The following ONECUT3 variants were observed in gnomAD, a reference collection of about 807,000 sequenced individuals.
ONECUT3 encodes one cut domain family member 3.
Under a neutral mutation model 16.8 loss-of-function variants are expected in ONECUT3, and 11 were observed. The ratio of observed to expected loss-of-function variants is 0.66; its 90% CI spans 0.41 to 1.09. The LOEUF is 1.09. Among genes scored for constraint, ONECUT3 ranks in the 50% least tolerant of loss-of-function variants. The probability of loss-of-function intolerance (pLI) is 0.00; values close to 1 mark genes in which losing one functional copy is unlikely to be tolerated. For missense variants in ONECUT3, 637 were observed against 629.9 expected, an observed-to-expected ratio of 1.01 and a Z score of -0.12; for synonymous variants, 344 against 310.7, an observed-to-expected ratio of 1.11 and a Z score of -1.13.
rs1005230990 is a variant in ONECUT3, at chr19:1,755,239, C to G, written c.1192+385C>G. On this transcript the variant is annotated intron_variant, in intron 1 of 1. Coordinates refer to ENST00000382349, the MANE Select transcript of ONECUT3 (RefSeq NM_001080488.2). This position sits in a 1 kb window ranked among gnomAD's most constrained non-coding sequence, Gnocchi z 7.5. Reference sequence around the variant, plus strand: ...CGCCTGTTGGGGGGAGCTGTGTCCCCGAACGAGCTGCTGTTGTCGGCTAAG... The same window carrying G: ...CGCCTGTTGGGGGGAGCTGTGTCCCGGAACGAGCTGCTGTTGTCGGCTAAG... 8.6e-5 allele frequency among the ~76,000 whole-genome samples: 13 copies of G among 151,700 alleles called. No homozygotes were observed. Among genetic ancestry groups the G allele is most frequent in the Non-Finnish European group, 8.8e-5 (6 of 67,900 alleles).
chr19:1,767,417 C>A (rs2068002344), intron 1 of ONECUT3, among the ~76,000 whole-genome samples: 1 of 152,162 alleles, frequency 6.6e-6, no homozygotes, highest in African/African-American at 2.4e-5. Context: ...CTCTTGGGCC[C>A]CGGGGTGGTT....
Position 1,754,547 on chromosome 19 carries a change from G to T in ONECUT3, c.885G>T (p.Ala295=). The change falls in exon 1 of 2, where the codon GCG becomes GCT. Residue 295 remains alanine (A), a synonymous_variant. Coordinates refer to ENST00000382349, the MANE Select transcript of ONECUT3 (RefSeq NM_001080488.2). This position sits in a 1 kb window ranked among gnomAD's most constrained non-coding sequence, Gnocchi z 7.4. ...TGGGCGGGCTGGCGGCGGCCGGGGC[G>T]CACGGGCCGCACGGGGGAGGCGGCG... ...APLGGLAAAG[A]HGPHGGGGGP... is the part of the protein sequence containing the mutation. 8 of 984,926 alleles carry T rather than the reference G, an allele frequency of 8.1e-6. No individual in the cohort carries two copies. Among genetic ancestry groups the T allele is most frequent in the Non-Finnish European group, 9.6e-6 (8 of 831,060 alleles). 61.0% of individuals were successfully genotyped at this position (984,926 alleles called of 1,614,324 possible). A position where few individuals can be genotyped will look rare whatever the true frequency, so the allele number is the denominator to read the frequency against.
chr19:1,754,102 C>A lies in ONECUT3; in HGVS notation c.440C>A (p.Pro147Gln). Residue 147 changes from proline (P) to glutamine (Q), a missense_variant, in exon 1 of 2, where the codon CCG becomes CAG. Transcript: ENST00000382349. This position sits in a 1 kb window ranked among gnomAD's most constrained non-coding sequence, Gnocchi z 7.4. Reference protein sequence around the residue: ...HGGHPHAHPHPAAAPPPPPPP... With the variant: ...HGGHPHAHPHQAAAPPPPPPP... ...GGCCATCCCCACGCGCACCCGCACC[C>A]GGCGGCCGCGCCGCCCCCGCCACCC... The A allele has an allele frequency of 9.8e-7, 1 of 1,017,654 alleles. No homozygotes were observed. Among genetic ancestry groups the A allele is most frequent in the South Asian group, 4.2e-5 (1 of 23,588 alleles). The allele number at this position is 1,017,654 out of a possible 1,614,324, so 63.0% of individuals were successfully genotyped here. A position where few individuals can be genotyped will look rare whatever the true frequency, so the allele number is the denominator to read the frequency against.
chr19:1,779,293 A>C lies in ONECUT3; in HGVS notation c.*3848A>C, dbSNP rs2068137043. Reference sequence around the variant, plus strand: ...ATTGAATGTCAGGGCTGGAGACCAGAGGGAAAGTTAGAGGGAGCGTGATCG... The same window carrying C: ...ATTGAATGTCAGGGCTGGAGACCAGCGGGAAAGTTAGAGGGAGCGTGATCG... On this transcript the variant is annotated 3_prime_UTR_variant, in exon 2 of 2. Transcript: ENST00000382349. The C allele has an allele frequency of 1.3e-5, 2 of 152,164 alleles. 1 individual carries two copies. The highest frequency in any genetic ancestry group is 4.1e-4 in the South Asian group (2 of 4,824). The allele number at this position is 152,164 out of a possible 1,614,324, so 9.4% of individuals were successfully genotyped here.
At chr19:1,763,741 T>TG (rs1555799423) in intron 1 of ONECUT3, among the ~76,000 whole-genome samples, 10 of 136,734 alleles carry the variant, frequency 7.3e-5, no homozygotes, top group African/African-American at 1.4e-4. Flanking sequence ...TGTTTTTTTT[T>TG]TTTTTTTAAC....
rs1215060617 is a variant in ONECUT3, at chr19:1,758,272, G to A, written c.1192+3418G>A. ...AAGCCCAGAAAGGAACAGAGGTGAA[G>A]GAGAGACGAAAAGAGAGGCAGAGAG... On this transcript the variant is annotated intron_variant, in intron 1 of 1. Transcript: ENST00000382349. The surrounding 1 kb of genome is among the most constrained non-coding windows in gnomAD (Gnocchi z 5.9). Among the ~76,000 whole-genome samples, 1 of 147,462 alleles carries A rather than the reference G, an allele frequency of 6.8e-6. No individual in the cohort carries two copies. The highest frequency in any genetic ancestry group is 2.5e-5 in the African/African-American group (1 of 39,682).
intron 1 of ONECUT3, 142 bp from the exon 2 acceptor site, chr19:1,775,011 T>C: frequency 1.7e-6 from 1 of 578,974 alleles, no homozygotes; most frequent in Non-Finnish European, 3.0e-6. Flanking sequence ...CCCTGGGACC[T>C]TATGTGCATT....
At chr19:1,775,129 C>CGCCCGCCCGCCCGCCG (rs1266550383) in intron 1 of ONECUT3, 24 bp from the exon 2 acceptor site, 7 of 1,211,606 alleles carry the variant, frequency 5.8e-6, no homozygotes, top group Non-Finnish European at 7.9e-6. Flanking sequence ...CCCGCTCGCC[C>CGCCCGCCCGCCCGCCG]GCCCGCCCGC....
chr19:1,767,754 C>G (rs2068006393), intron 1 of ONECUT3, among the ~76,000 whole-genome samples: 1 of 152,232 alleles, frequency 6.6e-6, no homozygotes, highest in African/African-American at 2.4e-5. Context: ...ATGCTGGGGG[C>G]GGCGGCGCAG....
intron 1 of ONECUT3, among the ~76,000 whole-genome samples, chr19:1,757,328 T>C (rs908650241): frequency 5.3e-5 from 8 of 152,232 alleles, no homozygotes; most frequent in Non-Finnish European, 1.2e-4. Context: ...GCTCCGTTTG[T>C]GCCTCGCCTT....
chr19:1,764,798 C>T lies in ONECUT3; in HGVS notation c.1192+9944C>T, dbSNP rs1395947725. 2.1e-5 allele frequency among the ~76,000 whole-genome samples: 2 copies of T among 96,326 alleles called. No homozygotes were observed. Among genetic ancestry groups the T allele is most frequent in the Non-Finnish European group, 4.4e-5 (2 of 45,378 alleles). The allele number at this position is 96,326 out of a possible 152,430, so 63.2% of individuals were successfully genotyped here. ...CACTGACTCGAGTCTGGAGAGGCCA[C>T]GGGGGGGGGATGCGCAGGGGGGACA... On this transcript the variant is annotated intron_variant, in intron 1 of 1. Coordinates refer to ENST00000382349, the MANE Select transcript of ONECUT3 (RefSeq NM_001080488.2). This position sits in a 1 kb window ranked among gnomAD's most constrained non-coding sequence, Gnocchi z 5.0.
chr19:1,771,130 T>A (rs1028855869), intron 1 of ONECUT3, among the ~76,000 whole-genome samples: 2 of 152,116 alleles, frequency 1.3e-5, no homozygotes, highest in African/African-American at 4.8e-5. Context: ...CCCAACAAAA[T>A]TTAAAACCAA....
rs1286266151 is a variant in ONECUT3 at position 1,755,998 on chromosome 19, G to A, written c.1192+1144G>A. Reference sequence around the variant, plus strand: ...ACAATAGCCGCGGCGGCTGGCGCCTGATCGATCGCTTCTCCGAGCACAAGG... The same window carrying A: ...ACAATAGCCGCGGCGGCTGGCGCCTAATCGATCGCTTCTCCGAGCACAAGG... On this transcript the variant is annotated intron_variant, in intron 1 of 1. Coordinates refer to ENST00000382349, the MANE Select transcript of ONECUT3 (RefSeq NM_001080488.2). This position sits in a 1 kb window ranked among gnomAD's most constrained non-coding sequence, Gnocchi z 7.5. Among the ~76,000 whole-genome samples the A allele has an allele frequency of 6.6e-6, 1 of 152,158 alleles. No homozygotes were observed. Among genetic ancestry groups the A allele is most frequent in the Non-Finnish European group, 1.5e-5 (1 of 68,012 alleles).
At chr19:1,770,664 C>T (rs975076443) in intron 1 of ONECUT3, among the ~76,000 whole-genome samples, 1 of 152,188 alleles carries the variant, frequency 6.6e-6, no homozygotes, top group Non-Finnish European at 1.5e-5. Flanking sequence ...TTCAAGGCCC[C>T]GGTTGAGTTT....
chr19:1,779,828 G>C lies in ONECUT3; in HGVS notation c.*4383G>C, dbSNP rs2068141779. ...AGGTGGACGGGGCCCCAGGTAGAGGGGGCGGGAACAGAGCCTCAGTAGCCG... is the reference window on the plus strand; with the variant it reads ...AGGTGGACGGGGCCCCAGGTAGAGGCGGCGGGAACAGAGCCTCAGTAGCCG... On this transcript the variant is annotated 3_prime_UTR_variant, in exon 2 of 2. Transcript: ENST00000382349. 6.6e-6 allele frequency: 1 copy of C among 151,976 alleles called. No homozygotes were observed. The highest frequency in any genetic ancestry group is 2.4e-5 in the African/African-American group (1 of 41,330). The allele number at this position is 151,976 out of a possible 1,614,324, so 9.4% of individuals were successfully genotyped here. A position where few individuals can be genotyped will look rare whatever the true frequency, so the allele number is the denominator to read the frequency against.
At chr19:1,757,505 A>T (rs2067922731) in intron 1 of ONECUT3, among the ~76,000 whole-genome samples, 1 of 152,042 alleles carries the variant, frequency 6.6e-6, no homozygotes, top group South Asian at 2.1e-4. Context: ...GGCGTTGAGG[A>T]TGATAAACCC....
chr19:1,769,233 TGGAGGTGCTGGAGGTGGTGGAGGAGGA>T (rs1600353536), intron 1 of ONECUT3, among the ~76,000 whole-genome samples: 2 of 146,358 alleles, frequency 1.4e-5, no homozygotes, highest in Non-Finnish European at 3.0e-5. Flanking sequence ...AAGGAGGAGG[TGGAGGTGCTGGAGGTGGTGGAGGAGGA>T]GGAGGTGCTG....
chr19:1,760,402 G>A (rs1335299703), intron 1 of ONECUT3, among the ~76,000 whole-genome samples: 1 of 141,480 alleles, frequency 7.1e-6, no homozygotes, highest in African/African-American at 2.5e-5. Flanking sequence ...TGAGGTCAAG[G>A]ACCACAGAGA....
chr19:1,775,491 G>GT lies in ONECUT3; in HGVS notation c.*47dup. 7.1e-7 allele frequency: 1 copy of GT among 1,416,332 alleles called. No homozygotes were observed. The highest frequency in any genetic ancestry group is 9.1e-7 in the Non-Finnish European group (1 of 1,093,090). 87.7% of individuals were successfully genotyped at this position (1,416,332 alleles called of 1,614,324 possible). A position where few individuals can be genotyped will look rare whatever the true frequency, so the allele number is the denominator to read the frequency against. The stretch of plus-strand genomic sequence containing the variant: ...TCCCTGCCTCCACGGCCTGGGCGCT[G>GT]TGCCCCCACGTCACCTCCCCACATC... On this transcript the variant is annotated 3_prime_UTR_variant, in exon 2 of 2. Transcript: ENST00000382349.
Sources: allele counts gnomAD v4.1 joint callset (sites outside exome capture counted in the v4.1 genomes callset), GRCh38; gene constraint gnomAD v4.1.1; non-coding constraint Gnocchi (gnomAD v3.1); transcripts MANE v1.5; gene names NCBI Gene and HGNC (gene_info 2026-07-23, HGNC 2026-07-21).